Variants in GRIN2A observed in about 807,000 individuals in gnomAD.
The protein encoded by GRIN2A is glutamate receptor ionotropic, NMDA 2A.
In GRIN2A, 22 loss-of-function variants were observed where a neutral mutation model predicts 113.4. The ratio of observed to expected loss-of-function variants is 0.19; its 90% CI spans 0.14 to 0.28. GRIN2A has a LOEUF of 0.28. Ranked by LOEUF, GRIN2A falls within the 10% of genes least tolerant of loss-of-function variation. GRIN2A has a pLI of 1.00. For synonymous variants in GRIN2A, 827 were observed against 738.4 expected, an observed-to-expected ratio of 1.12 and a Z score of -1.94; for missense variants, 1,502 against 1,887.0, an observed-to-expected ratio of 0.80 and a Z score of 3.78.
intron 2 of GRIN2A, among the ~76,000 whole-genome samples, chr16:10,075,818 T>C (rs908398510): frequency 6.6e-5 from 10 of 152,156 alleles, no homozygotes; most frequent in Non-Finnish European, 1.0e-4. Context: ...CTAGCTGCTC[T>C]AAATATCCAA....
intron 10 of GRIN2A, among the ~76,000 whole-genome samples, chr16:9,815,406 CAACAACCAAAAAAAAAAA>C (rs1026827217): frequency 8.2e-6 from 1 of 121,474 alleles, no homozygotes; most frequent in Non-Finnish European, 1.7e-5. Flanking sequence ...TAAAACCTAA[CAACAACCAAAAAAAAAAA>C]AAAAAAGAAA....
At chr16:9,780,010 A>C (rs1362693079) in intron 11 of GRIN2A, among the ~76,000 whole-genome samples, 3 of 152,224 alleles carry the variant, frequency 2.0e-5, no homozygotes, top group Non-Finnish European at 4.4e-5. Flanking sequence ...ATGTTGGGGC[A>C]AGAATCTGGA....
chr16:9,993,666 T>C (rs982151270), intron 2 of GRIN2A, among the ~76,000 whole-genome samples: 1 of 152,186 alleles, frequency 6.6e-6, no homozygotes, highest in African/African-American at 2.4e-5. Flanking sequence ...CCCTCCTACA[T>C]TGCAGGTTGG....
At chr16:9,777,359 G>T (rs749830604) in intron 11 of GRIN2A, among the ~76,000 whole-genome samples, 1 of 152,176 alleles carries the variant, frequency 6.6e-6, no homozygotes, top group Admixed American at 6.5e-5. Flanking sequence ...CTGTTCTCAC[G>T]ATCTCAGAGG....
Position 9,768,766 on chromosome 16 carries a change from T to G in GRIN2A, c.2595+85A>C, listed in dbSNP as rs1005442258. On this transcript the variant is annotated intron_variant, in intron 12 of 12. Transcript: ENST00000330684. ...AAGAAAGGCTGGTAAGGGGAGGAAG[T>G]GCAGACCCCACTGAGACATCAAGAA... 9 of 888,206 alleles carry G rather than the reference T, an allele frequency of 1.0e-5. No homozygotes were observed. The East Asian group carries it at 2.2e-4, about 21-fold the overall frequency. The allele number at this position is 888,206 out of a possible 1,614,324, so 55.0% of individuals were successfully genotyped here.
At chr16:9,926,747 C>A (rs1280413552) in intron 3 of GRIN2A, among the ~76,000 whole-genome samples, 1 of 152,162 alleles carries the variant, frequency 6.6e-6, no homozygotes, top group African/African-American at 2.4e-5. Context: ...CTAAGGTGTA[C>A]TGCGCAGAGA....
chr16:10,120,107 T>G (rs1423144052), intron 2 of GRIN2A, among the ~76,000 whole-genome samples: 1 of 152,204 alleles, frequency 6.6e-6, no homozygotes, highest in Admixed American at 6.5e-5. Context: ...ATAATGAGAC[T>G]GCTGGGTTGA....
chr16:9,985,517 A>G (rs1479119852), intron 2 of GRIN2A, among the ~76,000 whole-genome samples: 4 of 152,208 alleles, frequency 2.6e-5, no homozygotes, highest in African/African-American at 9.6e-5. Context: ...CATGAAAAAG[A>G]ATGAGATCCT....
chr16:9,768,802 T>C, intron 12 of GRIN2A, 49 bp downstream of exon 12: 1 of 1,330,036 alleles, frequency 7.5e-7, no homozygotes, highest in Non-Finnish European at 1.1e-6. Flanking sequence ...CCCAAGCGCT[T>C]TTCTAAACCT....
intron 2 of GRIN2A, among the ~76,000 whole-genome samples, chr16:9,964,016 G>A (rs1262274236): frequency 6.6e-6 from 1 of 152,144 alleles, no homozygotes; most frequent in Non-Finnish European, 1.5e-5. Flanking sequence ...TAGGGCATGT[G>A]GTGTCTTGAT....
chr16:10,095,086 TTCTC>T (rs147451089), intron 2 of GRIN2A, among the ~76,000 whole-genome samples: 3 of 150,040 alleles, frequency 2.0e-5, no homozygotes, highest in East Asian at 2.0e-4. Context: ...GAAGAGAGAT[TTCTC>T]TCTCTCTCTC....
At chr16:9,919,301 T>G (rs1396514544) in intron 3 of GRIN2A, among the ~76,000 whole-genome samples, 2 of 152,200 alleles carry the variant, frequency 1.3e-5, no homozygotes, top group Non-Finnish European at 2.9e-5. Flanking sequence ...TAAATTGCCT[T>G]TATCATCAGC....
chr16:10,144,161 G>A (rs2049384371), intron 2 of GRIN2A, among the ~76,000 whole-genome samples: 2 of 151,972 alleles, frequency 1.3e-5, no homozygotes, highest in African/African-American at 4.8e-5. Flanking sequence ...ACTTTTAATT[G>A]CAAAAACCAC....
At chr16:10,001,516 C>A (rs1246415943) in intron 2 of GRIN2A, among the ~76,000 whole-genome samples, 1 of 152,202 alleles carries the variant, frequency 6.6e-6, no homozygotes, top group Non-Finnish European at 1.5e-5. Flanking sequence ...TCTGCTGAAA[C>A]TATCTTATGG....
chr16:9,797,590 T>A (rs1162453183), intron 11 of GRIN2A, among the ~76,000 whole-genome samples: 1 of 152,188 alleles, frequency 6.6e-6, no homozygotes, highest in Non-Finnish European at 1.5e-5. Context: ...GCCATGTTGG[T>A]ACAACATGAC....
At chr16:9,924,537 C>G (rs956373058) in intron 3 of GRIN2A, among the ~76,000 whole-genome samples, 6 of 151,868 alleles carry the variant, frequency 4.0e-5, no homozygotes, top group Non-Finnish European at 8.8e-5. Context: ...TATGCTATGT[C>G]TTCATATTTC....
At chr16:9,828,856 G>A (rs1007073149) in intron 9 of GRIN2A, among the ~76,000 whole-genome samples, 2 of 152,194 alleles carry the variant, frequency 1.3e-5, no homozygotes, top group African/African-American at 2.4e-5. Context: ...AAGAAAGAAA[G>A]AAAAAAACTC....
intron 2 of GRIN2A, among the ~76,000 whole-genome samples, chr16:10,048,746 C>A (rs1030839562): frequency 9.6e-6 from 1 of 103,672 alleles, no homozygotes; most frequent in Non-Finnish European, 2.0e-5. Flanking sequence ...CACACTTGGC[C>A]TCCCTTGGGC....
In GRIN2A at chr16:9,849,874, T is replaced by C; in HGVS notation, c.1210A>G (p.Asn404Asp). 6.2e-7 allele frequency: 1 copy of C among 1,613,970 alleles called. No homozygotes were observed. The change falls in exon 5 of 13, where the codon AAC (asparagine) becomes GAC (aspartate). Residue 404 changes from asparagine to aspartate, a missense_variant. By Grantham distance (23) the Asn-to-Asp change is conservative. Transcript: ENST00000330684. ...TCCAGGGTGACGATGCTGAGATGGTTGTCATCCGGCTCACAGTCGGAGAAG... is the reference window on the plus strand; with the variant it reads ...TCCAGGGTGACGATGCTGAGATGGTCGTCATCCGGCTCACAGTCGGAGAAG... ...KSFSDCEPDD[N>D]HLSIVTLEEA...
Sources: gnomAD v4.1 joint callset for allele counts (sites outside exome capture counted in the v4.1 genomes callset) on GRCh38, gnomAD v4.1.1 for gene constraint, MANE v1.5 for transcripts, NCBI Gene and HGNC (gene_info 2026-07-23, HGNC 2026-07-21) for gene names.